Variants in NCKAP5 observed in about 807,000 individuals in gnomAD.
NCKAP5 encodes the protein NCK associated protein 5.
A neutral mutation model predicts 167.0 loss-of-function variants in NCKAP5; 92 were observed. The observed-to-expected ratio is 0.55, with a 90% CI of 0.47 to 0.66. The LOEUF is 0.66. Ranked by LOEUF, NCKAP5 falls within the 30% of genes least tolerant of loss-of-function variation. NCKAP5 has a pLI of 0.00. For missense variants in NCKAP5, 2,378 were observed against 2,315.0 expected, an observed-to-expected ratio of 1.03 and a Z score of -0.56; for synonymous variants, 891 against 877.4, an observed-to-expected ratio of 1.02 and a Z score of -0.27.
the NCKAP5 span, among the ~76,000 whole-genome samples, chr2:133,645,102 AC>A: frequency 2.6e-5 from 4 of 152,202 alleles, no homozygotes; most frequent in African/African-American, 9.6e-5. Flanking sequence ...TGGAATTAAA[AC>A]AAGATGTACA....
chr2:132,909,153 C>G (rs62178890), intron 8 of NCKAP5, among the ~76,000 whole-genome samples: 2 of 152,180 alleles, frequency 1.3e-5, no homozygotes, highest in South Asian at 4.1e-4. Context: ...TCAAGACCAG[C>G]ATGGTCAACA....
chr2:133,058,550 G>A (rs182179168), intron 6 of NCKAP5, among the ~76,000 whole-genome samples: 4 of 152,292 alleles, frequency 2.6e-5, no homozygotes, highest in Admixed American at 1.3e-4. Context: ...GGTGGAAATA[G>A]CAAGAAACCT....
chr2:133,636,461 T>C, the NCKAP5 span, among the ~76,000 whole-genome samples: 1 of 152,140 alleles, frequency 6.6e-6, no homozygotes, highest in African/African-American at 2.4e-5. Context: ...GAAGAGGCGG[T>C]TGGATTTAGC....
chr2:132,808,931 G>A (rs1685646800), intron 11 of NCKAP5, among the ~76,000 whole-genome samples: 1 of 151,986 alleles, frequency 6.6e-6, no homozygotes, highest in Non-Finnish European at 1.5e-5. Flanking sequence ...TCTTAGCACT[G>A]CCTTTGCTGT....
At position 132,902,700 on chromosome 2, in the gene NCKAP5, T is replaced by C. The variant is rs142274827; in HGVS notation, c.580-23784A>G. Among the ~76,000 whole-genome samples the C allele has an allele frequency of 9.2e-5, 14 of 152,358 alleles. No individual in the cohort carries two copies. The East Asian group carries it at 2.7e-3, about 29-fold the overall frequency. Reference sequence around the variant, plus strand: ...CAAAAGAATCGCCGTGAGGCCTCTTTGTGATGTCTTACCAAGAAGCTGCTC... The same window carrying C: ...CAAAAGAATCGCCGTGAGGCCTCTTCGTGATGTCTTACCAAGAAGCTGCTC... On this transcript the variant is annotated intron_variant, in intron 8 of 19. Coordinates refer to ENST00000409261, the MANE Select transcript of NCKAP5 (RefSeq NM_207363.3).
At chr2:132,807,458 T>C (rs1285935711) in intron 11 of NCKAP5, among the ~76,000 whole-genome samples, 1 of 152,178 alleles carries the variant, frequency 6.6e-6, no homozygotes. Context: ...TAGTTTTCCT[T>C]GTAGAGGCCT....
chr2:133,081,108 T>A (rs983610548), intron 6 of NCKAP5, among the ~76,000 whole-genome samples: 4 of 152,152 alleles, frequency 2.6e-5, no homozygotes, highest in Non-Finnish European at 5.9e-5. Flanking sequence ...AAGCAAAGTG[T>A]ATCCATGATC....
chr2:133,197,747 G>A (rs1195641266), intron 5 of NCKAP5, among the ~76,000 whole-genome samples: 1 of 152,030 alleles, frequency 6.6e-6, no homozygotes, highest in Non-Finnish European at 1.5e-5. Context: ...TCATGAGATA[G>A]AGACCATCCT....
At chr2:132,909,998 C>T (rs1407606731) in intron 8 of NCKAP5, among the ~76,000 whole-genome samples, 10 of 152,164 alleles carry the variant, frequency 6.6e-5, no homozygotes, top group Non-Finnish European at 1.3e-4. Context: ...ACAATGCTTA[C>T]AATTAGAGCA....
chr2:133,391,618 C>T (rs1218605894), intron 3 of NCKAP5, among the ~76,000 whole-genome samples: 1 of 152,078 alleles, frequency 6.6e-6, no homozygotes, highest in Non-Finnish European at 1.5e-5. Context: ...AATCTTGCTC[C>T]CCAGCCCTCT....
At chr2:133,424,526 C>T (rs1457737871) in intron 3 of NCKAP5, among the ~76,000 whole-genome samples, 1 of 152,132 alleles carries the variant, frequency 6.6e-6, no homozygotes, top group Non-Finnish European at 1.5e-5. Context: ...GATGAGTTTT[C>T]AAGGTGAGTA....
intron 4 of NCKAP5, among the ~76,000 whole-genome samples, chr2:133,227,414 A>G (rs1217157907): frequency 6.6e-6 from 1 of 152,194 alleles, no homozygotes; most frequent in African/African-American, 2.4e-5. Context: ...TCCAGAGTGG[A>G]GACGGTTTGC....
At chr2:132,858,454 T>C (rs17326104) in intron 11 of NCKAP5, among the ~76,000 whole-genome samples, 8,018 of 152,308 alleles carry the variant, frequency 0.053, 238 homozygotes, top group East Asian at 0.1. Context: ...TTTGGAATGA[T>C]TGTATTTTAG....
chr2:133,088,133 G>A (rs574257363), intron 6 of NCKAP5, among the ~76,000 whole-genome samples: 28 of 152,120 alleles, frequency 1.8e-4, no homozygotes, highest in Non-Finnish European at 3.7e-4. Flanking sequence ...TTCATCTCCA[G>A]TTCAAAGATT....
rs761679163 is a variant in NCKAP5 at position 132,878,919 on chromosome 2, G to T, written c.580-3C>A. The T allele has an allele frequency of 2.5e-6, 4 of 1,609,584 alleles. No homozygotes were observed. The East Asian group carries it at 8.9e-5, about 36-fold the overall frequency. ...AAAGCCAACGCTGAATTCTCTGCCT[G>T]CAGTAAGATACAAAAATAACACAAA... is the stretch of plus-strand genomic sequence containing the variant. On this transcript the variant is annotated splice_region_variant and splice_polypyrimidine_tract_variant and intron_variant, in intron 8 of 19. Coordinates refer to ENST00000409261, the MANE Select transcript of NCKAP5 (RefSeq NM_207363.3).
chr2:133,643,289 C>T, the NCKAP5 span, among the ~76,000 whole-genome samples: 12 of 152,186 alleles, frequency 7.9e-5, no homozygotes, highest in African/African-American at 2.9e-4. Flanking sequence ...TTACTCTAAA[C>T]TCAGTAGGAA....
At chr2:132,833,592 T>C (rs1687673159) in intron 11 of NCKAP5, among the ~76,000 whole-genome samples, 1 of 152,196 alleles carries the variant, frequency 6.6e-6, no homozygotes, top group South Asian at 2.1e-4. Context: ...CAATCCAATT[T>C]TCCCAGAATC....
intron 4 of NCKAP5, among the ~76,000 whole-genome samples, chr2:133,247,279 C>A (rs1230203148): frequency 2.0e-5 from 3 of 152,126 alleles, no homozygotes; most frequent in South Asian, 2.1e-4. Flanking sequence ...TTCAGGGTGG[C>A]TAATGGCTGT....
chr2:133,584,941 AGAAGGAAGGAAGGAAGGAAGGAAGGAAG>A, the NCKAP5 span, among the ~76,000 whole-genome samples: 26 of 113,870 alleles, frequency 2.3e-4, no homozygotes, highest in Admixed American at 5.0e-4. Flanking sequence ...AAAAAAAGAA[AGAAGGAAGGAAGGAAGGAAGGAAGGAAG>A]GAAGGAAGGA....
Sources: allele counts gnomAD v4.1 joint callset (sites outside exome capture counted in the v4.1 genomes callset), GRCh38; gene constraint gnomAD v4.1.1; transcripts MANE v1.5; gene names NCBI Gene and HGNC (gene_info 2026-07-23, HGNC 2026-07-21).